NFX1: variants seen among roughly 807,000 people sequenced by gnomAD.
The protein encoded by NFX1 is nuclear transcription factor, X-box binding 1, also known as transcriptional repressor NF-X1.
Under a neutral mutation model 137.2 loss-of-function variants are expected in NFX1, and 69 were observed. That is an observed-to-expected ratio of 0.50 (90% CI 0.41 to 0.61). The LOEUF (loss-of-function observed/expected upper bound fraction) is 0.61, where lower values mean the gene tolerates loss of function less well. NFX1 is among the 20% of genes least tolerant of loss of function. NFX1 has a pLI of 0.00. For synonymous variants in NFX1, 495 were observed against 474.1 expected, an observed-to-expected ratio of 1.04 and a Z score of -0.57; for missense variants, 1,167 against 1,391.0, an observed-to-expected ratio of 0.84 and a Z score of 2.56.
rs867797773 is a variant in NFX1, at chr9:33,370,334, C to T, written c.*356C>T. On this transcript the variant is annotated 3_prime_UTR_variant, in exon 24 of 24. Transcript: ENST00000379540. ...CCAACTTTATGCCACTAAGTCATAG[C>T]CTCAGTTGTCCCAGTTATTTGTCCT... is the stretch of plus-strand genomic sequence containing the variant. The T allele has an allele frequency of 5.2e-5, 9 of 172,958 alleles. No homozygotes were observed. Among genetic ancestry groups the T allele is most frequent in the Non-Finnish European group, 9.7e-5 (8 of 82,444 alleles). The allele number at this position is 172,958 out of a possible 1,614,324, so 10.7% of individuals were successfully genotyped here.
intron 23 of NFX1, 61 bp downstream of exon 23, chr9:33,367,680 G>A: frequency 1.3e-6 from 2 of 1,520,590 alleles, no homozygotes; most frequent in Non-Finnish European, 1.8e-6. Context: ...AGCAGGGGCT[G>A]AATTGTCCTG....
chr9:33,302,388 G>T, intron 3 of NFX1, among the ~76,000 whole-genome samples: 1 of 118,874 alleles, frequency 8.4e-6, no homozygotes, highest in African/African-American at 3.2e-5. Context: ...TTGAGACAGA[G>T]TCTTACTCTG....
intron 21 of NFX1, chr9:33,365,438 G>T (rs1303424719): frequency 2.6e-5 from 4 of 152,102 alleles, no homozygotes; most frequent in Non-Finnish European, 5.9e-5. Context: ...GCAAAACCCT[G>T]TCTCTACAAA....
chr9:33,340,725 A>G (rs1008760039), intron 12 of NFX1, among the ~76,000 whole-genome samples: 3 of 152,196 alleles, frequency 2.0e-5, no homozygotes, highest in East Asian at 1.9e-4. Context: ...ATGCTTCGCT[A>G]CTTAGAAATT....
chr9:33,350,994 A>C (rs775217185), intron 15 of NFX1, among the ~76,000 whole-genome samples: 10 of 152,164 alleles, frequency 6.6e-5, no homozygotes, highest in Non-Finnish European at 1.3e-4. Flanking sequence ...AAATACAAAA[A>C]TTAGCTGGTC....
chr9:33,300,338 C>T (rs1290630982), intron 2 of NFX1, among the ~76,000 whole-genome samples: 3 of 152,090 alleles, frequency 2.0e-5, no homozygotes, highest in Admixed American at 6.6e-5. Context: ...GCTGGTATTA[C>T]AGGTGTAAGC....
chr9:33,353,046 A>C (rs1369291690), intron 17 of NFX1, among the ~76,000 whole-genome samples: 1 of 152,174 alleles, frequency 6.6e-6, no homozygotes, highest in Non-Finnish European at 1.5e-5. Flanking sequence ...CCTGGCTGGA[A>C]AGTTTCTTAC....
In NFX1 at chr9:33,294,745, A is replaced by G. The variant is rs932355592; in HGVS notation, c.351A>G (p.Arg117=). ...QKLRNEKHHI[R]VKKAQSLAEQ... Reference sequence around the variant, plus strand: ...TGAGGAATGAGAAGCACCATATCAGAGTCAAGAAAGCACAGAGTCTTGCTG... The same window carrying G: ...TGAGGAATGAGAAGCACCATATCAGGGTCAAGAAAGCACAGAGTCTTGCTG... Residue 117 remains arginine, a synonymous_variant, in exon 2 of 24, where the codon AGA becomes AGG. Coordinates refer to ENST00000379540, the MANE Select transcript of NFX1 (RefSeq NM_002504.6). 3.7e-6 allele frequency: 6 copies of G among 1,614,152 alleles called. No homozygotes were observed. Among genetic ancestry groups the G allele is most frequent in the Non-Finnish European group, 5.1e-6 (6 of 1,180,044 alleles).
At chr9:33,358,118 T>C (rs1823871440) in intron 19 of NFX1, among the ~76,000 whole-genome samples, 1 of 152,140 alleles carries the variant, frequency 6.6e-6, no homozygotes, top group Non-Finnish European at 1.5e-5. Context: ...TTTATTTTTC[T>C]TGTATTACTT....
chr9:33,351,410 C>T, intron 15 of NFX1, 150 bp from the exon 16 acceptor site: 1 of 698,632 alleles, frequency 1.4e-6, no homozygotes, highest in Non-Finnish European at 2.4e-6. Context: ...CACACTGTTG[C>T]ACTCCAGCCT....
At chr9:33,365,596 G>A (rs1824145811) in intron 21 of NFX1, 1 of 152,190 alleles carries the variant, frequency 6.6e-6, no homozygotes, top group South Asian at 2.1e-4. Flanking sequence ...TCTCCAGCTT[G>A]AGATCCTGTC....
At chr9:33,367,692 G>A in intron 23 of NFX1, 73 bp downstream of exon 23, 1 of 1,445,720 alleles carries the variant, frequency 6.9e-7, no homozygotes, top group Non-Finnish European at 9.7e-7. Context: ...ATTGTCCTGA[G>A]CTGCACCAGC....
chr9:33,306,544 G>A (rs1448644277), intron 4 of NFX1, among the ~76,000 whole-genome samples: 1 of 152,182 alleles, frequency 6.6e-6, no homozygotes, highest in Admixed American at 6.5e-5. Flanking sequence ...AGAGGCCATG[G>A]ACTGGGGATG....
At position 33,351,711 on chromosome 9, in the gene NFX1, C is replaced by T. The variant is rs75231196; in HGVS notation, c.2576C>T (p.Pro859Leu). The T allele has an allele frequency of 3.1e-3, 5,033 of 1,613,948 alleles. 131 individuals carry two copies. The African/African-American group carries it at 0.058, about 19-fold the overall frequency. The part of the protein sequence containing the change: ...DEPCKQPCTT[P>L]RADCGHPCMA... The stretch of plus-strand genomic sequence containing the variant: ...CCCTGCAAGCAGCCCTGCACCACCC[C>T]CAGAGCTGACTGTGGTCACCCGTGT... The change falls in exon 16 of 24, where the codon CCC becomes CTC. Residue 859 changes from proline to leucine, a missense_variant. By Grantham distance (98) the Pro-to-Leu change is moderately conservative. Transcript: ENST00000379540.
intron 15 of NFX1, among the ~76,000 whole-genome samples, chr9:33,347,499 T>C (rs573039091): frequency 1.4e-4 from 22 of 152,306 alleles, no homozygotes; most frequent in African/African-American, 5.3e-4. Flanking sequence ...AACCTCCTTA[T>C]TCCTGCAAGA....
chr9:33,351,683 G>GAGCCCTGCAAGC lies in NFX1; in HGVS notation c.2558_2569dup (p.Lys853_Cys856dup), dbSNP rs748754825. ...TCACAAAGGGGAGTGTCTTGTGGAT[G>GAGCCCTGCAAGC]AGCCCTGCAAGCAGCCCTGCACCAC... On this transcript the variant is annotated inframe_insertion, in exon 16 of 24. Coordinates refer to ENST00000379540, the MANE Select transcript of NFX1 (RefSeq NM_002504.6). 4 of 1,614,154 alleles carry GAGCCCTGCAAGC rather than the reference G, an allele frequency of 2.5e-6. No homozygotes were observed. The highest frequency in any genetic ancestry group is 1.7e-6 in the Non-Finnish European group (2 of 1,180,010).
intron 9 of NFX1, among the ~76,000 whole-genome samples, chr9:33,325,215 TGATAAG>T (rs1822536728): frequency 6.6e-6 from 1 of 152,164 alleles, no homozygotes; most frequent in Admixed American, 6.5e-5. Flanking sequence ...TAAAAGTTAA[TGATAAG>T]GAGAAAGTCT....
At chr9:33,343,365 A>G (rs73478923) in intron 13 of NFX1, among the ~76,000 whole-genome samples, 2,370 of 152,282 alleles carry the variant, frequency 0.016, 52 homozygotes, top group African/African-American at 0.054. Context: ...ATTTTTTTAA[A>G]TAACTTTTCA....
chr9:33,355,842 A>C (rs923296752), intron 19 of NFX1, among the ~76,000 whole-genome samples: 2 of 151,920 alleles, frequency 1.3e-5, no homozygotes, highest in African/African-American at 4.8e-5. Flanking sequence ...ATGGGGTTTC[A>C]CCATGTTGGC....
Sources: gnomAD v4.1 joint callset for allele counts (sites outside exome capture counted in the v4.1 genomes callset) on GRCh38, gnomAD v4.1.1 for gene constraint, MANE v1.5 for transcripts, NCBI Gene and HGNC (gene_info 2026-07-23, HGNC 2026-07-21) for gene names.